ARID4B: variants seen among roughly 807,000 people sequenced by gnomAD.
ARID4B encodes AT-rich interaction domain 4B.
ARID4B carries 26 observed loss-of-function variants against 147.5 expected under a neutral mutation model. That is an observed-to-expected ratio of 0.18 (90% CI 0.13 to 0.24). The LOEUF (loss-of-function observed/expected upper bound fraction) is 0.24. ARID4B is among the 10% of genes least tolerant of loss of function. ARID4B has a pLI of 1.00. For missense variants in ARID4B, 1,179 were observed against 1,511.5 expected (o/e 0.78, Z 3.65); for synonymous variants, 512 against 507.9 (o/e 1.01, Z -0.11).
chr1:235,256,000 C>T (rs1669961234), intron 4 of ARID4B, among the ~76,000 whole-genome samples: 1 of 151,688 alleles, frequency 6.6e-6, no homozygotes, highest in South Asian at 2.1e-4. Context: ...ATGGTGAAAC[C>T]CCGTCTCTAC....
intron 2 of ARID4B, among the ~76,000 whole-genome samples, chr1:235,285,903 T>C (rs972127464): frequency 2.0e-5 from 3 of 152,164 alleles, no homozygotes; most frequent in Non-Finnish European, 4.4e-5. Flanking sequence ...AACTAGTAAA[T>C]CAGGATTCCT....
At chr1:235,281,322 G>C (rs1437147488) in intron 2 of ARID4B, among the ~76,000 whole-genome samples, 1 of 152,082 alleles carries the variant, frequency 6.6e-6, no homozygotes, top group Non-Finnish European at 1.5e-5. Context: ...AGGCTGAGGC[G>C]GGTGGCTCAC....
chr1:235,194,972 G>A (rs1323582408), intron 18 of ARID4B, among the ~76,000 whole-genome samples: 2 of 152,142 alleles, frequency 1.3e-5, no homozygotes, highest in Non-Finnish European at 2.9e-5. Context: ...TTTGAGAAAA[G>A]ATGAGAAATT....
At chr1:235,240,557 T>C in intron 7 of ARID4B, 106 bp from the exon 8 acceptor site, 1 of 1,008,896 alleles carries the variant, frequency 9.9e-7, no homozygotes, top group Admixed American at 2.4e-5. Flanking sequence ...TCCTAAGACC[T>C]GTAAAATGGC....
chr1:235,236,455 T>A, intron 8 of ARID4B, among the ~76,000 whole-genome samples: 1 of 151,772 alleles, frequency 6.6e-6, no homozygotes, highest in Non-Finnish European at 1.5e-5. Context: ...TATTAAAAAA[T>A]TTAATGTTCC....
Position 235,290,433 on chromosome 1 carries a change from CA to C in ARID4B, c.7-29682del, listed in dbSNP as rs35171807. On this transcript the variant is annotated intron_variant, in intron 2 of 23. Transcript: ENST00000264183. ...GGACGACAGAATGAGATTCCATCAC[CA>C]AAAAAAAAAAAAAGCACATGTGCTT... is the stretch of plus-strand genomic sequence containing the variant. Among the ~76,000 whole-genome samples the C allele has an allele frequency of 4.1e-3, 546 of 131,788 alleles. 2 individuals are homozygous for C. Among genetic ancestry groups the C allele is most frequent in the Middle Eastern group, 3.9e-3 (1 of 256 alleles). The allele number at this position is 131,788 out of a possible 152,430, so 86.5% of individuals were successfully genotyped here. A position where few individuals can be genotyped will look rare whatever the true frequency, so the allele number is the denominator to read the frequency against.
intron 6 of ARID4B, among the ~76,000 whole-genome samples, chr1:235,248,429 G>GT (rs1375173572): frequency 2.0e-5 from 3 of 152,110 alleles, no homozygotes; most frequent in Non-Finnish European, 4.4e-5. Flanking sequence ...TGGTAATACT[G>GT]TATCACTATA....
Position 235,220,433 on chromosome 1 carries a change from T to C in ARID4B, c.1276A>G (p.Ile426Val), listed in dbSNP as rs780730810. The C allele has an allele frequency of 1.9e-6, 3 of 1,612,778 alleles. No homozygotes were observed. Among genetic ancestry groups the C allele is most frequent in the African/African-American group, 2.7e-5 (2 of 74,910 alleles). Residue 426 changes from isoleucine to valine, a missense_variant, in exon 15 of 24, where the codon ATA (isoleucine) becomes GTA (valine). Ile to Val is a conservative substitution (Grantham distance 29, BLOSUM62 3). This residue lies in a region of ARID4B where 204 missense variants were observed against 210.9 expected (regional missense o/e 0.97). Coordinates refer to ENST00000264183, the MANE Select transcript of ARID4B (RefSeq NM_016374.6). ...QCKECENVKE[I>V]KVKEENETEI... ...GTTTCATTTTCCTCCTTAACTTTTA[T>C]TTCTTTTACATTTTCACACTCCTTA...
At chr1:235,277,536 C>CA (rs576771466) in intron 2 of ARID4B, among the ~76,000 whole-genome samples, 31,720 of 87,100 alleles carry the variant, frequency 0.36, 5,682 homozygotes, top group South Asian at 0.56. Context: ...GACTCCGTCT[C>CA]AAAAAAAAAA....
chr1:235,276,246 A>G (rs1671307953), intron 2 of ARID4B, among the ~76,000 whole-genome samples: 1 of 151,652 alleles, frequency 6.6e-6, no homozygotes, highest in Admixed American at 6.6e-5. Context: ...TCATCAGATC[A>G]TTATTATAAC....
intron 19 of ARID4B, among the ~76,000 whole-genome samples, chr1:235,186,284 T>C (rs1236948035): frequency 2.6e-5 from 4 of 152,074 alleles, no homozygotes; most frequent in Non-Finnish European, 4.4e-5. Context: ...TCTGTTTTCA[T>C]AGTTCCCCCT....
At chr1:235,264,297 T>A (rs762124303) in intron 2 of ARID4B, among the ~76,000 whole-genome samples, 26 of 152,212 alleles carry the variant, frequency 1.7e-4, no homozygotes, top group Non-Finnish European at 8.8e-5. Flanking sequence ...TATAATCATC[T>A]AGAATGAAAC....
chr1:235,320,198 G>T (rs934652820), intron 2 of ARID4B, among the ~76,000 whole-genome samples: 1 of 151,984 alleles, frequency 6.6e-6, no homozygotes, highest in African/African-American at 2.4e-5. Context: ...CCAGCTACAG[G>T]GGAGTCTGGG....
chr1:235,220,035 C>A, intron 15 of ARID4B, 67 bp from the exon 16 acceptor site: 1 of 1,080,946 alleles, frequency 9.3e-7, no homozygotes, highest in South Asian at 1.9e-5. Flanking sequence ...CATGGTTTAT[C>A]TCTTAGCAAC....
At chr1:235,175,635 A>G (rs1319430187) in intron 21 of ARID4B, 3 of 475,984 alleles carry the variant, frequency 6.3e-6, no homozygotes, top group African/African-American at 5.9e-5. Flanking sequence ...ACACTAATCT[A>G]TCATTATGCT....
In ARID4B at chr1:235,223,184, T is replaced by C; in HGVS notation, c.1047A>G (p.Lys349=). The C allele has an allele frequency of 1.3e-6, 2 of 1,578,044 alleles. No individual in the cohort carries two copies. The highest frequency in any genetic ancestry group is 2.3e-5 in the East Asian group (1 of 43,140). ...CACTCACATTATCAAATCCTCCAAG[T>C]TTGTGTACAAGTCTGAATAACTTAA... The part of the protein sequence containing the change: ...NLFKLFRLVH[K]LGGFDNIESG... The change falls in exon 13 of 24, where the codon AAA becomes AAG. Residue 349 remains lysine, a synonymous_variant. Coordinates refer to ENST00000264183, the MANE Select transcript of ARID4B (RefSeq NM_016374.6).
At chr1:235,266,051 G>A (rs1670588844) in intron 2 of ARID4B, among the ~76,000 whole-genome samples, 1 of 152,110 alleles carries the variant, frequency 6.6e-6, no homozygotes, top group African/African-American at 2.4e-5. Flanking sequence ...TGGGGAAGAG[G>A]GGTTCCTTTA....
intron 5 of ARID4B, among the ~76,000 whole-genome samples, chr1:235,254,256 G>A (rs896174395): frequency 6.6e-6 from 1 of 151,936 alleles, no homozygotes; most frequent in African/African-American, 2.4e-5. Context: ...TATTCTATCT[G>A]AAAGTTCTAT....
intron 18 of ARID4B, 103 bp downstream of exon 18, chr1:235,195,928 T>C (rs535739946): frequency 2.8e-6 from 2 of 706,878 alleles, no homozygotes; most frequent in East Asian, 2.8e-5. Flanking sequence ...TTGAAAAATG[T>C]GCTATTTCAA....
Sources: allele counts gnomAD v4.1 joint callset (sites outside exome capture counted in the v4.1 genomes callset), GRCh38; gene constraint gnomAD v4.1.1; regional missense constraint gnomAD v4.1.1; transcripts MANE v1.5; gene names NCBI Gene and HGNC (gene_info 2026-07-23, HGNC 2026-07-21).